Variants in TACC2 observed in about 807,000 individuals in gnomAD.
The protein encoded by TACC2 is transforming acidic coiled-coil containing protein 2.
In TACC2, 137 loss-of-function variants were observed where a neutral mutation model predicts 227.3. The ratio of observed to expected loss-of-function variants is 0.60; its 90% CI spans 0.52 to 0.69. TACC2 has a LOEUF of 0.69. Ranked by LOEUF, TACC2 falls within the 30% of genes least tolerant of loss-of-function variation. The pLI, the probability that TACC2 is intolerant of heterozygous loss-of-function variation, is 0.00. For missense variants in TACC2, 3,470 were observed against 3,694.4 expected (o/e 0.94, Z 1.57); for synonymous variants, 1,523 against 1,487.5 (o/e 1.02, Z -0.55).
At chr10:122,135,023 T>G (rs777608202) in intron 6 of TACC2, among the ~76,000 whole-genome samples, 6 of 152,172 alleles carry the variant, frequency 3.9e-5, no homozygotes, top group Non-Finnish European at 7.3e-5. Flanking sequence ...TTTCATCGAG[T>G]GTCTCCGTAA....
intron 7 of TACC2, among the ~76,000 whole-genome samples, chr10:122,190,560 T>G (rs933978049): frequency 5.9e-5 from 9 of 152,202 alleles, no homozygotes; most frequent in African/African-American, 2.2e-4. Flanking sequence ...CACACCGCAC[T>G]GTGTGCTATT....
chr10:122,081,658 GCCAAGTTCCC>G (rs1215226696), intron 3 of TACC2, among the ~76,000 whole-genome samples: 3 of 152,066 alleles, frequency 2.0e-5, no homozygotes. Flanking sequence ...AAAATTCAGA[GCCAAGTTCCC>G]CCAAGTTCCC....
intron 11 of TACC2, 69 bp downstream of exon 11, chr10:122,216,897 G>T (rs769893527): frequency 7.4e-6 from 12 of 1,612,596 alleles, no homozygotes; most frequent in Admixed American, 5.0e-5. Context: ...GGAGCCAAAG[G>T]CCAGGAGAGA....
At chr10:122,119,875 C>T (rs925860582) in intron 5 of TACC2, among the ~76,000 whole-genome samples, 3 of 151,470 alleles carry the variant, frequency 2.0e-5, no homozygotes, top group East Asian at 1.9e-4. Flanking sequence ...GTCAAGATCG[C>T]GCTGCTGTAC....
At chr10:122,004,582 C>A (rs1954830800) in intron 1 of TACC2, among the ~76,000 whole-genome samples, 1 of 152,108 alleles carries the variant, frequency 6.6e-6, no homozygotes, top group Non-Finnish European at 1.5e-5. Context: ...TGGCCCCACA[C>A]CCCATCCCCC....
chr10:122,088,845 G>T, intron 5 of TACC2: 1 of 1,211,230 alleles, frequency 8.3e-7, no homozygotes, highest in Non-Finnish European at 1.1e-6. Flanking sequence ...GTCAGTCTGG[G>T]TGCGGTGGCT....
chr10:122,180,633 C>T lies in TACC2; in HGVS notation c.5835-14407C>T, dbSNP rs776894927. Among the ~76,000 whole-genome samples, 8 of 152,180 alleles carry T rather than the reference C, an allele frequency of 5.3e-5. No individual in the cohort carries two copies. Among genetic ancestry groups the T allele is most frequent in the East Asian group, 1.9e-4 (1 of 5,188 alleles). On this transcript the variant is annotated intron_variant, in intron 7 of 22. Coordinates refer to ENST00000369005, the MANE Select transcript of TACC2 (RefSeq NM_206862.4). This position sits in a 1 kb window ranked among gnomAD's most constrained non-coding sequence, Gnocchi z 4.5. ...GATTACAGGCATGAGCCACCGCACC[C>T]GGCCTCTTCCCTCGAGTTCTAATGA...
intron 6 of TACC2, among the ~76,000 whole-genome samples, chr10:122,136,545 G>GTATATATATATATATATA (rs34534253): frequency 1.5e-4 from 8 of 54,992 alleles, no homozygotes; most frequent in African/African-American, 3.4e-4. Context: ...GTGTGTGTGT[G>GTATATATATATATATATA]TATATATATA....
At chr10:122,053,793 G>T (rs1042942790) in intron 3 of TACC2, among the ~76,000 whole-genome samples, 1 of 152,138 alleles carries the variant, frequency 6.6e-6, no homozygotes, top group African/African-American at 2.4e-5. Flanking sequence ...CTGTCCCTTG[G>T]CCTCATTGGA....
chr10:122,113,440 A>G (rs1359189909), intron 5 of TACC2, among the ~76,000 whole-genome samples: 1 of 152,194 alleles, frequency 6.6e-6, no homozygotes, highest in East Asian at 1.9e-4. Context: ...CGCGGGCCCC[A>G]GAGTGTCTGC....
intron 2 of TACC2, among the ~76,000 whole-genome samples, chr10:122,043,387 AT>A (rs1019109465): frequency 1.2e-4 from 19 of 152,162 alleles, no homozygotes; most frequent in Non-Finnish European, 2.4e-4. Flanking sequence ...CATTCACTAA[AT>A]TCAAAATTCC....
chr10:122,210,546 G>A lies in TACC2; in HGVS notation c.6121G>A (p.Asp2041Asn), dbSNP rs1022571261. ...ASSGTYNLDFDNIELVDTFQT... is the reference protein window; with the variant it reads ...ASSGTYNLDFNNIELVDTFQT... ...CAGTGGGACTTACAACTTGGACTTT[G>A]ACAACATTGAGCTTGTGGATACCTT... The change falls in exon 9 of 23, where the codon GAC (aspartate) becomes AAC (asparagine). Residue 2041 changes from aspartate (D) to asparagine (N), a missense_variant. This residue lies in a region of TACC2 where 593 missense variants were observed against 636.6 expected (regional missense o/e 0.93). Transcript: ENST00000369005. This position sits in a 1 kb window ranked among gnomAD's most constrained non-coding sequence, Gnocchi z 4.6. 1 of 1,614,154 alleles carries A rather than the reference G, an allele frequency of 6.2e-7. No individual in the cohort carries two copies. Among genetic ancestry groups the A allele is most frequent in the South Asian group, 1.1e-5 (1 of 91,052 alleles).
chr10:122,017,818 C>CAAAAAAAAAAAAAAAAAAAA (rs5788525), intron 1 of TACC2, among the ~76,000 whole-genome samples: 1 of 74,960 alleles, frequency 1.3e-5, no homozygotes, highest in Non-Finnish European at 2.5e-5. Context: ...GAAACTGTCT[C>CAAAAAAAAAAAAAAAAAAAA]AAAAAAAAAA....
intron 16 of TACC2, among the ~76,000 whole-genome samples, chr10:122,236,417 C>T (rs936745308): frequency 4.6e-5 from 7 of 152,192 alleles, no homozygotes; most frequent in Admixed American, 1.3e-4. Context: ...GCCATGACAG[C>T]GCCACGAGGT....
intron 1 of TACC2, among the ~76,000 whole-genome samples, chr10:121,994,924 G>A (rs919789032): frequency 2.0e-5 from 3 of 152,146 alleles, no homozygotes; most frequent in African/African-American, 7.2e-5. Context: ...GATAGACTAT[G>A]GCCCCATTAA....
At chr10:122,089,290 C>A (rs1286441751) in intron 5 of TACC2, among the ~76,000 whole-genome samples, 1 of 152,134 alleles carries the variant, frequency 6.6e-6, no homozygotes, top group African/African-American at 2.4e-5. Flanking sequence ...CCCCAGCCCC[C>A]ACACCCGCCG....
intron 7 of TACC2, among the ~76,000 whole-genome samples, chr10:122,185,028 T>TC (rs2094134249): frequency 6.8e-6 from 1 of 146,246 alleles, no homozygotes; most frequent in Non-Finnish European, 1.5e-5. Context: ...ATTCTTTTTT[T>TC]TTTTTTTTTT....
At chr10:122,101,723 C>CTTTTTTT (rs1179126977) in intron 5 of TACC2, among the ~76,000 whole-genome samples, 16 of 55,724 alleles carry the variant, frequency 2.9e-4, no homozygotes, top group South Asian at 1.1e-3. Context: ...CCATGCCCAG[C>CTTTTTTT]TTTTTTTTTT....
chr10:122,050,576 A>C lies in TACC2; in HGVS notation c.146+26A>C. The C allele has an allele frequency of 6.3e-7, 1 of 1,580,004 alleles. No individual in the cohort carries two copies. The highest frequency in any genetic ancestry group is 2.2e-5 in the East Asian group (1 of 44,688). On this transcript the variant is annotated intron_variant, in intron 3 of 22. Transcript: ENST00000369005. The surrounding 1 kb of genome is among the most constrained non-coding windows in gnomAD (Gnocchi z 4.6). Reference sequence around the variant, plus strand: ...GTAGGAGGCCAGCTCTGGAGGACTGATGCAGCCCAAGGACTGCCCCGCTCA... The same window carrying C: ...GTAGGAGGCCAGCTCTGGAGGACTGCTGCAGCCCAAGGACTGCCCCGCTCA...
Sources: allele counts gnomAD v4.1 joint callset (sites outside exome capture counted in the v4.1 genomes callset), GRCh38; gene constraint gnomAD v4.1.1; regional missense constraint gnomAD v4.1.1; non-coding constraint Gnocchi (gnomAD v3.1); transcripts MANE v1.5; gene names NCBI Gene and HGNC (gene_info 2026-07-23, HGNC 2026-07-21).